The following REEP1 variants were observed in gnomAD, a reference collection of about 807,000 sequenced individuals.
REEP1 encodes the protein receptor expression-enhancing protein 1.
In REEP1, 22 loss-of-function variants were observed where a neutral mutation model predicts 40.3. The ratio of observed to expected loss-of-function variants is 0.55; its 90% CI spans 0.39 to 0.78. The LOEUF (loss-of-function observed/expected upper bound fraction) is 0.78, where lower values mean the gene tolerates loss of function less well. Ranked by LOEUF, REEP1 falls within the 30% of genes least tolerant of loss-of-function variation. The pLI, the probability that REEP1 is intolerant of heterozygous loss-of-function variation, is 0.00. For synonymous variants in REEP1, 116 were observed against 139.2 expected, an observed-to-expected ratio of 0.83 and a Z score of 1.17; for missense variants, 280 against 361.1, an observed-to-expected ratio of 0.78 and a Z score of 1.82.
chr2:86,272,179 G>A (rs1016239064), intron 2 of REEP1, among the ~76,000 whole-genome samples: 3 of 152,184 alleles, frequency 2.0e-5, no homozygotes, highest in African/African-American at 2.4e-5. Context: ...CCAAGAGCAC[G>A]CCACTGCACT....
In REEP1 at chr2:86,214,723, G is replaced by A. The variant is rs927974711; in HGVS notation, c.*2316C>T. The A allele has an allele frequency of 2.0e-5, 3 of 152,620 alleles. No homozygotes were observed. Among genetic ancestry groups the A allele is most frequent in the African/African-American group, 7.2e-5 (3 of 41,458 alleles). The allele number at this position is 152,620 out of a possible 1,614,324, so 9.5% of individuals were successfully genotyped here. On this transcript the variant is annotated 3_prime_UTR_variant, in exon 9 of 9. Transcript: ENST00000538924. ...TTGTACAGTGAGTGTCTTTAAGAGAGAAACCGACTCCCTAGTCAACACTTG... is the reference window on the plus strand; with the variant it reads ...TTGTACAGTGAGTGTCTTTAAGAGAAAAACCGACTCCCTAGTCAACACTTG...
chr2:86,217,304 G>A (rs191570856), intron 8 of REEP1, among the ~76,000 whole-genome samples, 194 bp from the exon 9 acceptor site: 105 of 152,298 alleles, frequency 6.9e-4, no homozygotes, highest in Non-Finnish European at 1.2e-3. Flanking sequence ...GCATGAAGCT[G>A]AGCCCTTTGA....
chr2:86,305,004 C>T (rs560338870), intron 1 of REEP1, among the ~76,000 whole-genome samples: 7 of 152,122 alleles, frequency 4.6e-5, no homozygotes, highest in African/African-American at 1.4e-4. Context: ...GGCAGACAGG[C>T]TCTATGGGCA....
At chr2:86,333,997 C>T (rs544119168) in intron 1 of REEP1, among the ~76,000 whole-genome samples, 1 of 152,354 alleles carries the variant, frequency 6.6e-6, no homozygotes, top group South Asian at 2.1e-4. Flanking sequence ...GCCTGCTGAC[C>T]TCCGTCCCCA....
chr2:86,217,201 C>T, intron 8 of REEP1, 91 bp from the exon 9 acceptor site: 2 of 1,140,820 alleles, frequency 1.8e-6, no homozygotes, highest in Middle Eastern at 2.0e-4. Context: ...GTTGAGACTT[C>T]CAGCTCCTTT....
At chr2:86,329,324 C>T (rs545718178) in intron 1 of REEP1, among the ~76,000 whole-genome samples, 20 of 152,264 alleles carry the variant, frequency 1.3e-4, no homozygotes, top group Admixed American at 2.0e-4. Flanking sequence ...CATTTAGGGC[C>T]GCAGTTTCCA....
chr2:86,239,697 A>G (rs1421023291), intron 5 of REEP1, among the ~76,000 whole-genome samples: 1 of 152,350 alleles, frequency 6.6e-6, no homozygotes, highest in East Asian at 1.9e-4. Flanking sequence ...CCAAACAGAG[A>G]AGGAGAATTT....
At position 86,331,961 on chromosome 2, in the gene REEP1, G is replaced by A. The variant is rs889310933; in HGVS notation, c.32+5518C>T. ...TTGCCATCCTGGTCTGGGTACCCAC[G>A]CATGCTTGAAGGCCTATACCAAATT... On this transcript the variant is annotated intron_variant, in intron 1 of 8. Coordinates refer to ENST00000538924, the MANE Select transcript of REEP1 (RefSeq NM_001371279.1). Among the ~76,000 whole-genome samples the A allele has an allele frequency of 4.6e-5, 7 of 152,042 alleles. No individual in the cohort carries two copies. In the South Asian group the frequency reaches 1.5e-3, roughly 32 times the overall value.
intron 1 of REEP1, among the ~76,000 whole-genome samples, chr2:86,326,011 C>T (rs1553470627): frequency 6.6e-6 from 1 of 152,208 alleles, no homozygotes; most frequent in Non-Finnish European, 1.5e-5. Flanking sequence ...TTAATTCCTT[C>T]ATATGTGAGA....
intron 1 of REEP1, among the ~76,000 whole-genome samples, chr2:86,294,573 C>T (rs754642569): frequency 6.5e-4 from 99 of 151,990 alleles, no homozygotes; most frequent in Non-Finnish European, 1.3e-3. Flanking sequence ...TTATTCAATC[C>T]ATTGTAATGA....
At chr2:86,259,082 C>A (rs546176804) in intron 3 of REEP1, among the ~76,000 whole-genome samples, 3 of 151,942 alleles carry the variant, frequency 2.0e-5, no homozygotes, top group Non-Finnish European at 4.4e-5. Flanking sequence ...CCGAGGTGGG[C>A]GGATCACAAG....
In REEP1 at chr2:86,217,666, A is replaced by ATTTTT. The variant is rs10668934; in HGVS notation, c.784-561_784-557dup. On this transcript the variant is annotated intron_variant, in intron 8 of 8. Transcript: ENST00000538924. ...GAGTCAGAAGTGTTTGGGATTTCAG[A>ATTTTT]TTTTTTTTTTTTTTTTTTCAGATTT... Among the ~76,000 whole-genome samples, 372 of 112,890 alleles carry ATTTTT rather than the reference A, an allele frequency of 3.3e-3. 3 individuals are homozygous for ATTTTT. The highest frequency in any genetic ancestry group is 0.011 in the African/African-American group (363 of 32,200). The allele number at this position is 112,890 out of a possible 152,430, so 74.1% of individuals were successfully genotyped here. A position where few individuals can be genotyped will look rare whatever the true frequency, so the allele number is the denominator to read the frequency against.
chr2:86,289,535 TC>T (rs1222987840), intron 1 of REEP1, among the ~76,000 whole-genome samples: 1 of 152,222 alleles, frequency 6.6e-6, no homozygotes, highest in Non-Finnish European at 1.5e-5. Context: ...CCTTTGTTTT[TC>T]TATATAAATT....
Position 86,337,441 on chromosome 2 carries a change from G to A in REEP1, c.32+38C>T. ...GCAGCCCGGGGCCGGGGGCGGGGAG[G>A]GAGGGGACGGAGGGGCGCGGGGGAG... is the stretch of plus-strand genomic sequence containing the variant. On this transcript the variant is annotated intron_variant, in intron 1 of 8. Transcript: ENST00000538924. This position sits in a 1 kb window ranked among gnomAD's most constrained non-coding sequence, Gnocchi z 5.8. 1 of 1,223,596 alleles carries A rather than the reference G, an allele frequency of 8.2e-7. No individual in the cohort carries two copies. The highest frequency in any genetic ancestry group is 1.0e-6 in the Non-Finnish European group (1 of 973,678). The allele number at this position is 1,223,596 out of a possible 1,614,324, so 75.8% of individuals were successfully genotyped here.
chr2:86,297,559 C>T lies in REEP1; in HGVS notation c.33-15317G>A, dbSNP rs186735407. On this transcript the variant is annotated intron_variant, in intron 1 of 8. Coordinates refer to ENST00000538924, the MANE Select transcript of REEP1 (RefSeq NM_001371279.1). ...AGTCCTGGGGTGGAGTTGGTACAAG[C>T]CCTGGTACCTAAAAGATGCAGGGAT... 3.9e-3 allele frequency: 987 copies of T among 255,652 alleles called. 6 individuals carry two copies. The highest frequency in any genetic ancestry group is 5.1e-3 in the Non-Finnish European group (830 of 162,630). The allele number at this position is 255,652 out of a possible 1,614,324, so 15.8% of individuals were successfully genotyped here. A position where few individuals can be genotyped will look rare whatever the true frequency, so the allele number is the denominator to read the frequency against.
intron 1 of REEP1, among the ~76,000 whole-genome samples, chr2:86,307,201 CAA>C (rs11289279): frequency 0.021 from 2,324 of 108,510 alleles, 50 homozygotes; most frequent in African/African-American, 0.065. Flanking sequence ...AATACTGTGT[CAA>C]AAAAAAAAAA....
At chr2:86,266,911 G>A (rs747054414) in intron 2 of REEP1, among the ~76,000 whole-genome samples, 2 of 151,864 alleles carry the variant, frequency 1.3e-5, no homozygotes, top group Admixed American at 6.6e-5. Flanking sequence ...GGAGGCTGAG[G>A]TAGGAGAATG....
chr2:86,321,332 A>C (rs552136149), intron 1 of REEP1, among the ~76,000 whole-genome samples: 1 of 152,362 alleles, frequency 6.6e-6, no homozygotes, highest in African/African-American at 2.4e-5. Context: ...TCAGTAGTTT[A>C]AAATCTTCCT....
chr2:86,299,190 C>T (rs915231962), intron 1 of REEP1, among the ~76,000 whole-genome samples: 1 of 152,214 alleles, frequency 6.6e-6, no homozygotes. Context: ...CCACTGTGCT[C>T]AGTCATCATT....
Sources: gnomAD v4.1 joint callset for allele counts (sites outside exome capture counted in the v4.1 genomes callset) on GRCh38, gnomAD v4.1.1 for gene constraint, Gnocchi (gnomAD v3.1) non-coding constraint, MANE v1.5 for transcripts, NCBI Gene and HGNC (gene_info 2026-07-23, HGNC 2026-07-21) for gene names.